The following POU6F2 variants were observed in gnomAD, a reference collection of about 807,000 sequenced individuals.
POU6F2 encodes the protein POU class 6 homeobox 2, also known as POU domain, class 6, transcription factor 2.
In POU6F2, 31 loss-of-function variants were observed where a neutral mutation model predicts 71.3. That is an observed-to-expected ratio of 0.43 (90% CI 0.33 to 0.59). The LOEUF (loss-of-function observed/expected upper bound fraction) is 0.59. Ranked by LOEUF, POU6F2 falls within the 20% of genes least tolerant of loss-of-function variation. The pLI is 0.04. For missense variants in POU6F2, 783 were observed against 856.8 expected (o/e 0.91, Z 1.07); for synonymous variants, 347 against 355.7 (o/e 0.98, Z 0.27).
At chr7:39,372,026 C>T (rs900894824) in intron 5 of POU6F2, among the ~76,000 whole-genome samples, 1 of 152,192 alleles carries the variant, frequency 6.6e-6, no homozygotes, top group Non-Finnish European at 1.5e-5. Context: ...AGCAATCCTC[C>T]TGCTTCAGCC....
intron 4 of POU6F2, among the ~76,000 whole-genome samples, chr7:39,320,278 A>G (rs144929731): frequency 0.021 from 3,260 of 152,194 alleles, 75 homozygotes; most frequent in Admixed American, 0.079. Flanking sequence ...CTCCCCATCA[A>G]TGGATGCCAG....
At chr7:39,228,407 C>T (rs1468916587) in intron 4 of POU6F2, among the ~76,000 whole-genome samples, 1 of 152,200 alleles carries the variant, frequency 6.6e-6, no homozygotes, top group Non-Finnish European at 1.5e-5. Flanking sequence ...AGCCCTCCCA[C>T]CAAAACGTCC....
intron 1 of POU6F2, among the ~76,000 whole-genome samples, chr7:39,073,104 A>G (rs1008936419): frequency 2.5e-4 from 38 of 152,114 alleles, no homozygotes; most frequent in African/African-American, 9.2e-4. Flanking sequence ...CCTGGTACTG[A>G]TGAACTGTCA....
chr7:39,130,976 T>C (rs1792264754), intron 2 of POU6F2, among the ~76,000 whole-genome samples: 1 of 152,218 alleles, frequency 6.6e-6, no homozygotes, highest in Non-Finnish European at 1.5e-5. Context: ...GCTGAACCAC[T>C]TTCACAGTCC....
At chr7:39,154,310 A>G (rs555824610) in intron 2 of POU6F2, among the ~76,000 whole-genome samples, 1 of 152,008 alleles carries the variant, frequency 6.6e-6, no homozygotes, top group Non-Finnish European at 1.5e-5. Flanking sequence ...TCCTGCTTCC[A>G]CTTTGCTTTA....
chr7:39,034,120 G>C (rs1408377497), intron 1 of POU6F2, among the ~76,000 whole-genome samples: 1 of 152,160 alleles, frequency 6.6e-6, no homozygotes, highest in Non-Finnish European at 1.5e-5. Context: ...TCATAATGAA[G>C]GTGATTTATT....
intron 6 of POU6F2, among the ~76,000 whole-genome samples, chr7:39,410,235 G>C (rs1787525504): frequency 6.6e-6 from 1 of 151,834 alleles, no homozygotes; most frequent in South Asian, 2.1e-4. Flanking sequence ...CAGCTACTTG[G>C]GAGGCGGAGG....
In POU6F2 at chr7:39,035,517, C is replaced by G. The variant is rs559341697; in HGVS notation, c.106-50343C>G. Among the ~76,000 whole-genome samples, 43 of 152,130 alleles carry G rather than the reference C, an allele frequency of 2.8e-4. 1 individual carries two copies. The highest frequency in any genetic ancestry group is 1.0e-3 in the African/African-American group (42 of 41,478). ...GTGTATCCCACAGGGGAACTGGCAG[C>G]GACAAAGACAAAAGTAACTGGCAGA... On this transcript the variant is annotated intron_variant, in intron 1 of 9. Coordinates refer to ENST00000518318, the MANE Select transcript of POU6F2 (RefSeq NM_001370959.1).
At chr7:39,446,833 T>C (rs748463793) in intron 7 of POU6F2, among the ~76,000 whole-genome samples, 2 of 152,216 alleles carry the variant, frequency 1.3e-5, no homozygotes, top group Non-Finnish European at 2.9e-5. Flanking sequence ...TTGCAGATTC[T>C]CCATGCTTTC....
chr7:39,117,994 A>G (rs1178777141), intron 2 of POU6F2, among the ~76,000 whole-genome samples: 1 of 152,146 alleles, frequency 6.6e-6, no homozygotes, highest in African/African-American at 2.4e-5. Context: ...GAGTTCACCA[A>G]TGGAGAAGTT....
intron 4 of POU6F2, among the ~76,000 whole-genome samples, chr7:39,280,157 C>G (rs931968053): frequency 6.6e-6 from 1 of 152,210 alleles, no homozygotes; most frequent in African/African-American, 2.4e-5. Context: ...AGGTCACACT[C>G]TGAGGTACTG....
At chr7:39,445,307 TG>T (rs1788498674) in intron 7 of POU6F2, among the ~76,000 whole-genome samples, 1 of 152,216 alleles carries the variant, frequency 6.6e-6, no homozygotes, top group Non-Finnish European at 1.5e-5. Flanking sequence ...AGTAAGGGTT[TG>T]CCTAGATGGG....
chr7:39,398,204 T>C (rs1326551292), intron 5 of POU6F2, among the ~76,000 whole-genome samples: 3 of 152,038 alleles, frequency 2.0e-5, no homozygotes, highest in Admixed American at 2.0e-4. Context: ...CCTGGCACTG[T>C]TGAAAGAGTC....
rs1784909756 is a variant in POU6F2, at chr7:39,299,288, A to C, written c.599-40354A>C. On this transcript the variant is annotated intron_variant, in intron 4 of 9. Coordinates refer to ENST00000518318, the MANE Select transcript of POU6F2 (RefSeq NM_001370959.1). Reference sequence around the variant, plus strand: ...CAGTTTTATTTTTCATCACTACTTCACATATTTTTCTTCATCTTTTTTGAA... The same window carrying C: ...CAGTTTTATTTTTCATCACTACTTCCCATATTTTTCTTCATCTTTTTTGAA... Among the ~76,000 whole-genome samples, 2 of 152,210 alleles carry C rather than the reference A, an allele frequency of 1.3e-5. 1 individual carries two copies. Among genetic ancestry groups the C allele is most frequent in the East Asian group, 3.8e-4 (2 of 5,202 alleles).
At position 39,047,307 on chromosome 7, in the gene POU6F2, T is replaced by C. The variant is rs184514672; in HGVS notation, c.106-38553T>C. Among the ~76,000 whole-genome samples, 24 of 152,022 alleles carry C rather than the reference T, an allele frequency of 1.6e-4. No homozygotes were observed. In the East Asian group the frequency reaches 3.7e-3, roughly 23 times the overall value. On this transcript the variant is annotated intron_variant, in intron 1 of 9. Transcript: ENST00000518318. ...TCTGTATAAATAAAATTGAGGAGAA[T>C]TGCCATTTTAACACTATTAGGTTTT...
At chr7:39,314,617 T>A (rs527641592) in intron 4 of POU6F2, among the ~76,000 whole-genome samples, 1 of 152,244 alleles carries the variant, frequency 6.6e-6, no homozygotes, top group Non-Finnish European at 1.5e-5. Flanking sequence ...CTGAGTCCAG[T>A]TGGCAAGTTA....
chr7:39,351,817 G>A (rs1786144695), intron 5 of POU6F2, among the ~76,000 whole-genome samples: 1 of 152,190 alleles, frequency 6.6e-6, no homozygotes, highest in Non-Finnish European at 1.5e-5. Context: ...CGTTAGGTGT[G>A]AGGACTTGTA....
intron 5 of POU6F2, 108 bp from the exon 6 acceptor site, chr7:39,406,492 G>A: frequency 7.3e-7 from 1 of 1,361,386 alleles, no homozygotes; most frequent in Non-Finnish European, 1.0e-6. Context: ...CAGGCCCTTT[G>A]CATGAGCGAA....
At chr7:39,448,376 A>G (rs761184462) in intron 7 of POU6F2, among the ~76,000 whole-genome samples, 1 of 152,218 alleles carries the variant, frequency 6.6e-6, no homozygotes, top group Non-Finnish European at 1.5e-5. Context: ...ATCCTTGACA[A>G]GTAAGAAATT....
Sources: allele counts gnomAD v4.1 joint callset (sites outside exome capture counted in the v4.1 genomes callset), GRCh38; gene constraint gnomAD v4.1.1; transcripts MANE v1.5; gene names NCBI Gene and HGNC (gene_info 2026-07-23, HGNC 2026-07-21).